The following NEK10 variants were observed in gnomAD, a reference collection of about 807,000 sequenced individuals.
The protein encoded by NEK10 is NIMA related kinase 10.
In NEK10, 122 loss-of-function variants were observed where a neutral mutation model predicts 159.8. The ratio of observed to expected loss-of-function variants is 0.76; its 90% CI spans 0.66 to 0.89. The LOEUF (loss-of-function observed/expected upper bound fraction) is 0.89, where lower values mean the gene tolerates loss of function less well. Among genes scored for constraint, NEK10 ranks in the 40% least tolerant of loss-of-function variants. The pLI, the probability that NEK10 is intolerant of heterozygous loss-of-function variation, is 0.00. For synonymous variants in NEK10, 466 were observed against 457.1 expected (o/e 1.02, Z -0.25); for missense variants, 1,342 against 1,323.1 (o/e 1.01, Z -0.22).
At chr3:27,148,076 A>G (rs1465669238) in intron 30 of NEK10, among the ~76,000 whole-genome samples, 4 of 152,224 alleles carry the variant, frequency 2.6e-5, no homozygotes, top group Admixed American at 2.0e-4. Flanking sequence ...AAACATCCCA[A>G]ATAAATTATT....
chr3:27,297,042 A>G (rs2043404953), intron 14 of NEK10, 137 bp downstream of exon 14: 2 of 544,862 alleles, frequency 3.7e-6, no homozygotes, highest in African/African-American at 3.7e-5. Context: ...TTATTAGTTA[A>G]ACGAGAAATG....
At chr3:27,173,048 G>A (rs887185623) in intron 28 of NEK10, among the ~76,000 whole-genome samples, 2 of 152,008 alleles carry the variant, frequency 1.3e-5, no homozygotes, top group African/African-American at 4.8e-5. Flanking sequence ...ACTGAATTTC[G>A]GTTACCTGAG....
chr3:27,244,978 C>T (rs549335204), intron 23 of NEK10, among the ~76,000 whole-genome samples: 1 of 152,296 alleles, frequency 6.6e-6, no homozygotes, highest in East Asian at 1.9e-4. Flanking sequence ...AATCTGAACC[C>T]CTTCCAAGTT....
In NEK10 at chr3:27,118,141, T is replaced by C. The variant is rs539642238; in HGVS notation, c.3190+1619A>G. Among the ~76,000 whole-genome samples, 11 of 152,356 alleles carry C rather than the reference T, an allele frequency of 7.2e-5. No homozygotes were observed. The East Asian group carries it at 2.1e-3, about 29-fold the overall frequency. ...TCAGATGGTTCCAGATGTATGGTCCTATTTCTGAGTTCTCTATTCTGTTCC... is the reference window on the plus strand; with the variant it reads ...TCAGATGGTTCCAGATGTATGGTCCCATTTCTGAGTTCTCTATTCTGTTCC... On this transcript the variant is annotated intron_variant, in intron 33 of 35. Coordinates refer to ENST00000691995, the MANE Select transcript of NEK10 (RefSeq NM_001394966.1).
At chr3:27,346,930 A>T (rs1480527249) in intron 3 of NEK10, among the ~76,000 whole-genome samples, 2 of 152,238 alleles carry the variant, frequency 1.3e-5, no homozygotes, top group East Asian at 1.9e-4. Flanking sequence ...TCAGGTTATC[A>T]GTATTCAAAT....
At chr3:27,155,034 T>C (rs1667083441) in intron 30 of NEK10, among the ~76,000 whole-genome samples, 2 of 152,254 alleles carry the variant, frequency 1.3e-5, no homozygotes, top group African/African-American at 4.8e-5. Context: ...AATATGATCA[T>C]TTACCTTGAA....
intron 29 of NEK10, among the ~76,000 whole-genome samples, chr3:27,165,380 T>C (rs1351417240): frequency 6.6e-6 from 1 of 152,208 alleles, no homozygotes; most frequent in Non-Finnish European, 1.5e-5. Context: ...CTGGGGGAAG[T>C]CTGCCTCTAG....
In NEK10 at chr3:27,331,237, C is replaced by CAAAAAAAAAAAAAAAAA. The variant is rs11351970; in HGVS notation, c.363-8977_363-8976insTTTTTTTTTTTTTTTTT. Among the ~76,000 whole-genome samples the CAAAAAAAAAAAAAAAAA allele has an allele frequency of 1.5e-3, 45 of 29,564 alleles. 2 individuals carry two copies. The highest frequency in any genetic ancestry group is 2.1e-3 in the African/African-American group (36 of 17,198). 19.4% of individuals were successfully genotyped at this position (29,564 alleles called of 152,430 possible). ...TGGGTGATAAAGTAAGACTCTGTCT[C>CAAAAAAAAAAAAAAAAA]AAAAAAAAAAAAACAAAAAAAAAAA... On this transcript the variant is annotated intron_variant, in intron 5 of 35. Coordinates refer to ENST00000691995, the MANE Select transcript of NEK10 (RefSeq NM_001394966.1).
At chr3:27,167,635 A>G (rs997180749) in intron 29 of NEK10, among the ~76,000 whole-genome samples, 1 of 152,232 alleles carries the variant, frequency 6.6e-6, no homozygotes, top group African/African-American at 2.4e-5. Flanking sequence ...AAAACTGGTA[A>G]AAGTCAAGCC....
intron 30 of NEK10, among the ~76,000 whole-genome samples, chr3:27,155,508 T>TAAATAAAATA (rs60254232): frequency 0.035 from 4,674 of 134,274 alleles, 121 homozygotes; most frequent in Admixed American, 0.073. Flanking sequence ...CTCAAAAAAA[T>TAAATAAAATA]AAATAAAATA....
chr3:27,327,974 C>A, intron 5 of NEK10, among the ~76,000 whole-genome samples: 1 of 151,398 alleles, frequency 6.6e-6, no homozygotes. Flanking sequence ...GAAATTCATC[C>A]TAAATGATTA....
chr3:27,346,289 G>C, intron 3 of NEK10, 73 bp from the exon 4 acceptor site: 2 of 1,502,478 alleles, frequency 1.3e-6, no homozygotes, highest in Non-Finnish European at 1.8e-6. Flanking sequence ...CAAAATATGG[G>C]GAGGATGAAG....
Position 27,314,262 on chromosome 3 carries a change from A to G in NEK10, c.489+35T>C, listed in dbSNP as rs774577472. 2.6e-6 allele frequency: 4 copies of G among 1,543,836 alleles called. No homozygotes were observed. In the African/African-American group the frequency reaches 4.1e-5, roughly 16 times the overall value. The stretch of plus-strand genomic sequence containing the variant: ...CTTGCTCATAGCAGGCACAAAATGA[A>G]AAGGCAAGACCAGCCACCACAAAAG... On this transcript the variant is annotated intron_variant, in intron 7 of 35. Coordinates refer to ENST00000691995, the MANE Select transcript of NEK10 (RefSeq NM_001394966.1).
At chr3:27,147,808 A>G (rs1944447205) in intron 30 of NEK10, among the ~76,000 whole-genome samples, 2 of 152,212 alleles carry the variant, frequency 1.3e-5, no homozygotes, top group Admixed American at 6.5e-5. Flanking sequence ...TTATTGCCCT[A>G]TAGAAGTTCT....
chr3:27,350,420 T>A (rs559752046), intron 3 of NEK10, among the ~76,000 whole-genome samples: 4 of 152,118 alleles, frequency 2.6e-5, no homozygotes, highest in Admixed American at 6.6e-5. Flanking sequence ...ATATCTTCCC[T>A]CCCTATAAAT....
In NEK10 at chr3:27,195,992, G is replaced by C. The variant is rs1374148480; in HGVS notation, c.2292-3750C>G. 2.6e-5 allele frequency among the ~76,000 whole-genome samples: 4 copies of C among 152,158 alleles called. 1 individual carries two copies. In the East Asian group the frequency reaches 7.7e-4, roughly 29 times the overall value. On this transcript the variant is annotated intron_variant, in intron 25 of 35. Coordinates refer to ENST00000691995, the MANE Select transcript of NEK10 (RefSeq NM_001394966.1). ...ACAAGCCCATGAAGTTAAGGGAGGA[G>C]ACCACCCTCATATTGTCTTATGCCC...
intron 5 of NEK10, among the ~76,000 whole-genome samples, chr3:27,333,052 C>A (rs2046538945): frequency 6.6e-6 from 1 of 152,054 alleles, no homozygotes; most frequent in African/African-American, 2.4e-5. Flanking sequence ...AAATAGGTCA[C>A]CCAAGAGAGA....
At chr3:27,128,747 G>C (rs1308683562) in intron 32 of NEK10, among the ~76,000 whole-genome samples, 1 of 151,900 alleles carries the variant, frequency 6.6e-6, no homozygotes, top group Non-Finnish European at 1.5e-5. Context: ...GCCAGTGGGA[G>C]CCTCTTCAAT....
At chr3:27,185,174 T>C (rs1395859259) in intron 26 of NEK10, among the ~76,000 whole-genome samples, 1 of 152,210 alleles carries the variant, frequency 6.6e-6, no homozygotes, top group Admixed American at 6.5e-5. Flanking sequence ...ATAATTGCTC[T>C]ACCAGCCTGC....
Sources: gnomAD v4.1 joint callset for allele counts (sites outside exome capture counted in the v4.1 genomes callset) on GRCh38, gnomAD v4.1.1 for gene constraint, MANE v1.5 for transcripts, NCBI Gene and HGNC (gene_info 2026-07-23, HGNC 2026-07-21) for gene names.